SLC5A10: variants seen among roughly 807,000 people sequenced by gnomAD.
SLC5A10 encodes sodium/mannose cotransporter SLC5A10.
SLC5A10 carries 55 observed loss-of-function variants against 68.9 expected under a neutral mutation model. The ratio of observed to expected loss-of-function variants is 0.80; its 90% CI spans 0.64 to 1.00. The LOEUF is 1.00. SLC5A10 is among the 50% of genes least tolerant of loss of function. The pLI, the probability that SLC5A10 is intolerant of heterozygous loss-of-function variation, is 0.00. For missense variants in SLC5A10, 732 were observed against 819.3 expected, an observed-to-expected ratio of 0.89 and a Z score of 1.30; for synonymous variants, 344 against 344.8, an observed-to-expected ratio of 1.00 and a Z score of 0.02.
chr17:18,991,140 T>A (rs1173081104), intron 9 of SLC5A10, among the ~76,000 whole-genome samples: 1 of 152,222 alleles, frequency 6.6e-6, no homozygotes. Context: ...CCACCTTGCC[T>A]AATTCTGTTG....
rs1323925781 is a variant in SLC5A10 at position 19,004,879 on chromosome 17, G to A, written c.983-8531G>A. On this transcript the variant is annotated intron_variant, in intron 9 of 14. Transcript: ENST00000395645. The surrounding 1 kb of genome is among the most constrained non-coding windows in gnomAD (Gnocchi z 5.4). The stretch of plus-strand genomic sequence containing the variant: ...AAGCTGATTCACCCCTCGACAGACA[G>A]ACAGACCTGGGGCGGACGCACTGCC... 1 of 152,168 alleles carries A rather than the reference G, an allele frequency of 6.6e-6. No homozygotes were observed. The highest frequency in any genetic ancestry group is 1.9e-4 in the East Asian group (1 of 5,190). 9.4% of individuals were successfully genotyped at this position (152,168 alleles called of 1,614,324 possible).
chr17:19,020,126 C>T (rs1489704074), intron 13 of SLC5A10, 29 bp from the exon 14 acceptor site: 2 of 1,604,006 alleles, frequency 1.2e-6, no homozygotes, highest in African/African-American at 2.7e-5. Context: ...TCCCCCACCC[C>T]CAACCCTATC....
At chr17:18,986,621 G>A (rs2043276326) in intron 9 of SLC5A10, among the ~76,000 whole-genome samples, 2 of 152,344 alleles carry the variant, frequency 1.3e-5, no homozygotes, top group East Asian at 1.9e-4. Flanking sequence ...TGCAAGCAGC[G>A]GAGCAGCCAG....
chr17:19,012,938 G>A (rs774262544), intron 9 of SLC5A10, among the ~76,000 whole-genome samples: 11 of 152,206 alleles, frequency 7.2e-5, no homozygotes, highest in Admixed American at 2.6e-4. Flanking sequence ...CACTCAAGCC[G>A]GCTGCCCATG....
At chr17:18,979,899 T>A (rs1389522743) in intron 9 of SLC5A10, among the ~76,000 whole-genome samples, 1 of 152,048 alleles carries the variant, frequency 6.6e-6, no homozygotes, top group African/African-American at 2.4e-5. Flanking sequence ...CAGGCACTGG[T>A]ACAAAGGGGT....
intron 9 of SLC5A10, among the ~76,000 whole-genome samples, chr17:19,013,107 C>T (rs887501208): frequency 6.6e-6 from 1 of 152,234 alleles, no homozygotes; most frequent in Non-Finnish European, 1.5e-5. Context: ...AAGGGAGGCT[C>T]AGGCCCCAGG....
In SLC5A10 at chr17:18,978,317, C is replaced by T. The variant is rs758393016; in HGVS notation, c.982+1328C>T. Reference sequence around the variant, plus strand: ...CTGGGCGCTGGCCTGGGAGGTGTCACGGATCTTGATGCGGTTCATCTGGCT... The same window carrying T: ...CTGGGCGCTGGCCTGGGAGGTGTCATGGATCTTGATGCGGTTCATCTGGCT... On this transcript the variant is annotated intron_variant, in intron 9 of 14. Coordinates refer to ENST00000395645, the MANE Select transcript of SLC5A10 (RefSeq NM_001042450.4). The T allele has an allele frequency of 1.1e-5, 18 of 1,608,954 alleles. No individual in the cohort carries two copies. The Middle Eastern group carries it at 6.6e-4, about 59-fold the overall frequency.
intron 9 of SLC5A10, among the ~76,000 whole-genome samples, chr17:18,990,122 G>A (rs1392073520): frequency 6.6e-6 from 1 of 152,208 alleles, no homozygotes; most frequent in African/African-American, 2.4e-5. Context: ...TCGCAGGGGA[G>A]GCAGATGTTG....
Position 19,021,072 on chromosome 17 carries a change from G to A in SLC5A10, c.*641G>A, listed in dbSNP as rs1680196818. 1 of 152,574 alleles carries A rather than the reference G, an allele frequency of 6.6e-6. No homozygotes were observed. Among genetic ancestry groups the A allele is most frequent in the Admixed American group, 6.5e-5 (1 of 15,300 alleles). 9.5% of individuals were successfully genotyped at this position (152,574 alleles called of 1,614,324 possible). A position where few individuals can be genotyped will look rare whatever the true frequency, so the allele number is the denominator to read the frequency against. On this transcript the variant is annotated 3_prime_UTR_variant, in exon 15 of 15. Coordinates refer to ENST00000395645, the MANE Select transcript of SLC5A10 (RefSeq NM_001042450.4). The surrounding 1 kb of genome is among the most constrained non-coding windows in gnomAD (Gnocchi z 4.1). ...GAGGACCCTCCTGTTCTCGGGTAGG[G>A]GCCGTGCCCCACCTAGGTAGCCGTC...
chr17:18,989,904 C>A (rs2043369316), intron 9 of SLC5A10, among the ~76,000 whole-genome samples: 1 of 152,182 alleles, frequency 6.6e-6, no homozygotes, highest in African/African-American at 2.4e-5. Flanking sequence ...TCTCCAGTAC[C>A]TTCTCTTGGA....
At chr17:18,956,627 C>T (rs1034627389) in intron 1 of SLC5A10, among the ~76,000 whole-genome samples, 1 of 152,144 alleles carries the variant, frequency 6.6e-6, no homozygotes, top group East Asian at 1.9e-4. Flanking sequence ...CAAGCATGCA[C>T]CACCACGCCC....
At chr17:18,966,840 A>T (rs2042720114) in intron 5 of SLC5A10, among the ~76,000 whole-genome samples, 1 of 151,282 alleles carries the variant, frequency 6.6e-6, no homozygotes, top group Non-Finnish European at 1.5e-5. Flanking sequence ...AGACAGTCCC[A>T]CGGAGCATCC....
intron 2 of SLC5A10, 43 bp from the exon 3 acceptor site, chr17:18,959,092 G>T: frequency 3.2e-6 from 5 of 1,576,714 alleles, no homozygotes; most frequent in Non-Finnish European, 3.5e-6. Flanking sequence ...TGGGGCCGGC[G>T]CAGGGAGCCT....
Position 19,020,724 on chromosome 17 carries a change from A to C in SLC5A10, c.*293A>C, listed in dbSNP as rs368323315. ...TTTACTGTTTTCGTTTTGAATACAC[A>C]GGCTGGGTCAGGAGCAGTGAGATTT... On this transcript the variant is annotated 3_prime_UTR_variant, in exon 15 of 15. Coordinates refer to ENST00000395645, the MANE Select transcript of SLC5A10 (RefSeq NM_001042450.4). 2 of 419,570 alleles carry C rather than the reference A, an allele frequency of 4.8e-6. No individual in the cohort carries two copies. The highest frequency in any genetic ancestry group is 4.7e-5 in the South Asian group (2 of 42,528). 26.0% of individuals were successfully genotyped at this position (419,570 alleles called of 1,614,324 possible). A position where few individuals can be genotyped will look rare whatever the true frequency, so the allele number is the denominator to read the frequency against.
In SLC5A10 at chr17:18,969,089, G is replaced by C. The variant is rs2042773179; in HGVS notation, c.491G>C (p.Cys164Ser). Residue 164 changes from cysteine (C) to serine (S), a missense_variant, in exon 6 of 15, where the codon TGC becomes TCC. Coordinates refer to ENST00000395645, the MANE Select transcript of SLC5A10 (RefSeq NM_001042450.4). ...GCGGGGGCTCTGTTTGTGCACATCT[G>C]CCTGGGCTGGAACTTCTACCTCTCC... is the stretch of plus-strand genomic sequence containing the variant. Reference protein sequence around the residue: ...LYAGALFVHICLGWNFYLSTI... With the variant: ...LYAGALFVHISLGWNFYLSTI... The C allele has an allele frequency of 6.2e-7, 1 of 1,614,102 alleles. No individual in the cohort carries two copies. The highest frequency in any genetic ancestry group is 8.5e-7 in the Non-Finnish European group (1 of 1,179,990).
chr17:18,957,041 C>T (rs1424533554), intron 1 of SLC5A10, among the ~76,000 whole-genome samples: 3 of 151,950 alleles, frequency 2.0e-5, no homozygotes, highest in African/African-American at 4.8e-5. Context: ...CCCAGCTACT[C>T]GGGAGGCTGA....
chr17:18,960,557 T>C lies in SLC5A10; in HGVS notation c.358T>C (p.Leu120=). 6.2e-7 allele frequency: 1 copy of C among 1,614,070 alleles called. No individual in the cohort carries two copies. The highest frequency in any genetic ancestry group is 1.1e-5 in the South Asian group (1 of 91,084). ...PIYISSEIVT[L]PEYIQKRYGG... is the part of the protein sequence containing the mutation. The stretch of plus-strand genomic sequence containing the variant: ...CCATGTGCCTTCCCAGATCGTCACC[T>C]TACCTGAGTACATTCAGAAGCGCTA... Residue 120 remains leucine (L), a synonymous_variant, in exon 5 of 15, where the codon TTA becomes CTA. Coordinates refer to ENST00000395645, the MANE Select transcript of SLC5A10 (RefSeq NM_001042450.4).
At chr17:19,016,684 T>C (rs929823478) in intron 11 of SLC5A10, among the ~76,000 whole-genome samples, 1 of 152,110 alleles carries the variant, frequency 6.6e-6, no homozygotes, top group Non-Finnish European at 1.5e-5. Flanking sequence ...ACAAGGAGCC[T>C]CCCACCTCTC....
chr17:18,969,501 C>G, intron 7 of SLC5A10, 79 bp downstream of exon 7: 2 of 1,356,424 alleles, frequency 1.5e-6, no homozygotes, highest in East Asian at 2.3e-5. Flanking sequence ...CGGCACTGTG[C>G]AGGATTCATG....
Sources: allele counts gnomAD v4.1 joint callset (sites outside exome capture counted in the v4.1 genomes callset), GRCh38; gene constraint gnomAD v4.1.1; non-coding constraint Gnocchi (gnomAD v3.1); transcripts MANE v1.5; gene names NCBI Gene and HGNC (gene_info 2026-07-23, HGNC 2026-07-21).